Variants in PARD3B observed in about 807,000 individuals in gnomAD.
The protein encoded by PARD3B is partitioning defective 3 homolog B.
In PARD3B, 103 loss-of-function variants were observed where a neutral mutation model predicts 130.2. The observed-to-expected ratio is 0.79, with a 90% CI of 0.67 to 0.93. PARD3B has a LOEUF of 0.93. Among genes scored for constraint, PARD3B ranks in the 40% least tolerant of loss-of-function variants. The pLI is 0.00. For synonymous variants in PARD3B, 583 were observed against 553.2 expected (o/e 1.05, Z -0.76); for missense variants, 1,609 against 1,499.2 (o/e 1.07, Z -1.21).
chr2:205,590,608 A>C lies in PARD3B; in HGVS notation c.3261-24848A>C, dbSNP rs1375641274. Among the ~76,000 whole-genome samples, 1 of 152,182 alleles carries C rather than the reference A, an allele frequency of 6.6e-6. No homozygotes were observed. The highest frequency in any genetic ancestry group is 1.5e-5 in the Non-Finnish European group (1 of 68,034). ...TGAACCACATGGACTGAGAGTGGGC[A>C]TGGAATGATTCCCAAAAGAACAGAA... On this transcript the variant is annotated intron_variant, in intron 22 of 22. Transcript: ENST00000406610. This position sits in a 1 kb window ranked among gnomAD's most constrained non-coding sequence, Gnocchi z 4.1.
At position 204,612,208 on chromosome 2, in the gene PARD3B, G is replaced by GT. The variant is rs1481359541; in HGVS notation, c.120+66091dup. On this transcript the variant is annotated intron_variant, in intron 1 of 22. Transcript: ENST00000406610. ...GGATGTCCCAGCTCAGCAGCAGCTGGTTGTTGCCTCGATGTAGAATGCAGG... is the reference window on the plus strand; with the variant it reads ...GGATGTCCCAGCTCAGCAGCAGCTGGTTTGTTGCCTCGATGTAGAATGCAGG... Among the ~76,000 whole-genome samples the GT allele has an allele frequency of 2.0e-5, 3 of 152,232 alleles. No individual in the cohort carries two copies. In the East Asian group the frequency reaches 5.8e-4, roughly 29 times the overall value.
intron 2 of PARD3B, among the ~76,000 whole-genome samples, chr2:204,726,885 A>G (rs2039254495): frequency 6.6e-6 from 1 of 152,188 alleles, no homozygotes; most frequent in South Asian, 2.1e-4. Flanking sequence ...TGGGAAAACA[A>G]ACAAGCTGCC....
At chr2:205,126,396 A>ATAAC (rs1246037195) in intron 10 of PARD3B, among the ~76,000 whole-genome samples, 2 of 152,150 alleles carry the variant, frequency 1.3e-5, no homozygotes, top group Non-Finnish European at 2.9e-5. Context: ...TGGGTCCTGT[A>ATAAC]TAACTGTAAG....
Position 205,121,165 on chromosome 2 carries a change from C to T in PARD3B, c.807-426C>T, listed in dbSNP as rs953120544. ...CTTTAGAAGGATGTCCTAAAAGAAACCTAACTAATGATCTGATCCAAAATA... is the reference window on the plus strand; with the variant it reads ...CTTTAGAAGGATGTCCTAAAAGAAATCTAACTAATGATCTGATCCAAAATA... On this transcript the variant is annotated intron_variant, in intron 7 of 22. Coordinates refer to ENST00000406610, the MANE Select transcript of PARD3B (RefSeq NM_001302769.2). This position sits in a 1 kb window ranked among gnomAD's most constrained non-coding sequence, Gnocchi z 5.0. 1.3e-5 allele frequency among the ~76,000 whole-genome samples: 2 copies of T among 152,162 alleles called. No individual in the cohort carries two copies. The highest frequency in any genetic ancestry group is 2.9e-5 in the Non-Finnish European group (2 of 68,020).
At chr2:205,217,894 A>ATATATATATATATT (rs1559553191) in intron 15 of PARD3B, among the ~76,000 whole-genome samples, 1 of 31,074 alleles carries the variant, frequency 3.2e-5, no homozygotes, top group Non-Finnish European at 5.8e-5. Flanking sequence ...ATATATATAT[A>ATATATATATATATT]TTTTTTTTTT....
At chr2:205,322,875 C>T in intron 18 of PARD3B, among the ~76,000 whole-genome samples, 1 of 98,334 alleles carries the variant, frequency 1.0e-5, no homozygotes, top group African/African-American at 3.2e-5. Context: ...GTTGTTATAT[C>T]ATTATTAACA....
At chr2:205,422,106 A>G (rs2046991851) in intron 19 of PARD3B, among the ~76,000 whole-genome samples, 1 of 152,238 alleles carries the variant, frequency 6.6e-6, no homozygotes, top group Non-Finnish European at 1.5e-5. Flanking sequence ...AACTAGAGCA[A>G]TGTGATAGAA....
intron 2 of PARD3B, among the ~76,000 whole-genome samples, chr2:204,956,058 C>A (rs894635801): frequency 5.3e-5 from 8 of 152,152 alleles, no homozygotes; most frequent in Non-Finnish European, 1.2e-4. Flanking sequence ...TGTCAGGAGG[C>A]CAGATTGGAA....
At chr2:205,293,784 C>T (rs1272490448) in intron 16 of PARD3B, 1 of 152,190 alleles carries the variant, frequency 6.6e-6, no homozygotes, top group African/African-American at 2.4e-5. Context: ...AGTCTCACAG[C>T]ACTGAAGAAA....
chr2:205,194,637 A>T (rs2036569964), intron 15 of PARD3B, among the ~76,000 whole-genome samples: 1 of 152,210 alleles, frequency 6.6e-6, no homozygotes, highest in Non-Finnish European at 1.5e-5. Flanking sequence ...TTCCTCATTT[A>T]ATTAAAGCAG....
intron 4 of PARD3B, among the ~76,000 whole-genome samples, chr2:205,061,414 C>G: frequency 6.6e-6 from 1 of 152,018 alleles, no homozygotes. Context: ...TGTTTGTTTT[C>G]CTTCTTTTGG....
At chr2:205,252,853 C>CCCCAAA (rs2039916027) in intron 16 of PARD3B, among the ~76,000 whole-genome samples, 1 of 80,454 alleles carries the variant, frequency 1.2e-5, no homozygotes, top group Non-Finnish European at 2.4e-5. Context: ...CCCCCCCCAC[C>CCCCAAA]AAAAAAAAAA....
At chr2:204,652,783 A>T (rs912335553) in intron 1 of PARD3B, among the ~76,000 whole-genome samples, 2 of 145,422 alleles carry the variant, frequency 1.4e-5, no homozygotes, top group Admixed American at 1.3e-4. Flanking sequence ...CTTAACAAGG[A>T]AGCATGAATG....
In PARD3B at chr2:205,184,145, A is replaced by G. The variant is rs145919346; in HGVS notation, c.1925-1619A>G. ...GGACAGTCTACTTATTTAAATGTGA[A>G]TCTTGTTTAAAAACACCCTCACAGA... On this transcript the variant is annotated intron_variant, in intron 13 of 22. Coordinates refer to ENST00000406610, the MANE Select transcript of PARD3B (RefSeq NM_001302769.2). Among the ~76,000 whole-genome samples the G allele has an allele frequency of 1.3e-4, 20 of 152,254 alleles. No individual in the cohort carries two copies. In the South Asian group the frequency reaches 2.3e-3, roughly 17 times the overall value.
At chr2:204,746,069 G>T (rs2040212969) in intron 2 of PARD3B, among the ~76,000 whole-genome samples, 1 of 149,402 alleles carries the variant, frequency 6.7e-6, no homozygotes, top group Non-Finnish European at 1.5e-5. Context: ...CCATGTTGGT[G>T]TGCTGCACCC....
chr2:204,986,101 CAAAAA>C (rs371839271), intron 3 of PARD3B, among the ~76,000 whole-genome samples: 12 of 51,250 alleles, frequency 2.3e-4, no homozygotes, highest in South Asian at 1.4e-3. Context: ...ACTCTGTCTC[CAAAAA>C]AAAAAAAAAA....
At chr2:204,729,618 A>G (rs1203827454) in intron 2 of PARD3B, among the ~76,000 whole-genome samples, 1 of 152,202 alleles carries the variant, frequency 6.6e-6, no homozygotes, top group East Asian at 1.9e-4. Flanking sequence ...TCCTCTTCAG[A>G]TAATATTAAA....
chr2:204,642,384 G>A (rs2035108249), intron 1 of PARD3B, among the ~76,000 whole-genome samples: 1 of 152,242 alleles, frequency 6.6e-6, no homozygotes, highest in Admixed American at 6.5e-5. Context: ...GAGTGTTGCT[G>A]TTTATTAGCT....
chr2:205,518,462 C>T (rs2050887034), intron 21 of PARD3B, among the ~76,000 whole-genome samples: 1 of 151,902 alleles, frequency 6.6e-6, no homozygotes, highest in African/African-American at 2.4e-5. Flanking sequence ...TTATTTTGAG[C>T]CTACAGGTGT....
Sources: gnomAD v4.1 joint callset for allele counts (sites outside exome capture counted in the v4.1 genomes callset) on GRCh38, gnomAD v4.1.1 for gene constraint, Gnocchi (gnomAD v3.1) non-coding constraint, MANE v1.5 for transcripts, NCBI Gene and HGNC (gene_info 2026-07-23, HGNC 2026-07-21) for gene names.